FAM53C: variants seen among roughly 807,000 people sequenced by gnomAD.
FAM53C encodes family with sequence similarity 53 member C, also known as protein FAM53C.
In FAM53C, 10 loss-of-function variants were observed where a neutral mutation model predicts 34.7. The observed-to-expected ratio is 0.29, with a 90% confidence interval of 0.18 to 0.49. The LOEUF (loss-of-function observed/expected upper bound fraction) is 0.49. FAM53C is among the 20% of genes least tolerant of loss of function. FAM53C has a pLI of 0.99. For missense variants in FAM53C, 442 were observed against 515.3 expected (o/e 0.86, Z 1.38); for synonymous variants, 203 against 203.6 (o/e 1.00, Z 0.03).
In FAM53C at chr5:138,347,812, G is replaced by A. The variant is rs534189487; in HGVS notation, c.*853G>A. 1 of 152,208 alleles carries A rather than the reference G, an allele frequency of 6.6e-6. No homozygotes were observed. The highest frequency in any genetic ancestry group is 2.1e-4 in the South Asian group (1 of 4,816). The allele number at this position is 152,208 out of a possible 1,614,324, so 9.4% of individuals were successfully genotyped here. A position where few individuals can be genotyped will look rare whatever the true frequency, so the allele number is the denominator to read the frequency against. On this transcript the variant is annotated 3_prime_UTR_variant, in exon 5 of 5. Transcript: ENST00000239906. Reference sequence around the variant, plus strand: ...TGCCTCTTTTGCCCTCTTGAGTAGAGTTGCACACAGCACATGGGCAACTGA... The same window carrying A: ...TGCCTCTTTTGCCCTCTTGAGTAGAATTGCACACAGCACATGGGCAACTGA...
chr5:138,346,903 A>T lies in FAM53C; in HGVS notation c.1123A>T (p.Thr375Ser). 1.9e-6 allele frequency: 3 copies of T among 1,614,146 alleles called. No individual in the cohort carries two copies. The highest frequency in any genetic ancestry group is 2.5e-6 in the Non-Finnish European group (3 of 1,180,002). Reference protein sequence around the residue: ...RWGRQALSKRTLCQRDFGDLD... With the variant: ...RWGRQALSKRSLCQRDFGDLD... ...GGGTCGGCAGGCGCTGAGCAAGCGG[A>T]CACTGTGCCAGCGGGACTTTGGGGA... The change falls in exon 5 of 5, where the codon ACA (threonine) becomes TCA (serine). Residue 375 changes from threonine (T) to serine (S), a missense_variant. By Grantham distance (58) the Thr-to-Ser change is moderately conservative (BLOSUM62 1). Transcript: ENST00000239906.
At chr5:138,339,606 G>A (rs1451517681) in intron 1 of FAM53C, among the ~76,000 whole-genome samples, 1 of 151,772 alleles carries the variant, frequency 6.6e-6, no homozygotes, top group South Asian at 2.1e-4. Flanking sequence ...GTAAAATCCT[G>A]CACTTAGGTT....
rs1761262240 is a variant in FAM53C at position 138,349,363 on chromosome 5, G to C, written c.*2404G>C. On this transcript the variant is annotated 3_prime_UTR_variant, in exon 5 of 5. Coordinates refer to ENST00000239906, the MANE Select transcript of FAM53C (RefSeq NM_016605.3). ...TCACATATTGGGCTTACCCAGAGTGGAGCACACCTCCAGGGCATGTGGCTG... is the reference window on the plus strand; with the variant it reads ...TCACATATTGGGCTTACCCAGAGTGCAGCACACCTCCAGGGCATGTGGCTG... 1 of 152,680 alleles carries C rather than the reference G, an allele frequency of 6.5e-6. No individual in the cohort carries two copies. Among genetic ancestry groups the C allele is most frequent in the South Asian group, 2.1e-4 (1 of 4,830 alleles). The allele number at this position is 152,680 out of a possible 1,614,324, so 9.5% of individuals were successfully genotyped here.
rs1761030481 is a variant in FAM53C, at chr5:138,341,422, C to T, written c.78+9C>T. 1 of 1,612,104 alleles carries T rather than the reference C, an allele frequency of 6.2e-7. No individual in the cohort carries two copies. On this transcript the variant is annotated intron_variant, in intron 2 of 4. Coordinates refer to ENST00000239906, the MANE Select transcript of FAM53C (RefSeq NM_016605.3). Reference sequence around the variant, plus strand: ...GCTTCAGCATCAGTCTGGTAAAAGACCAGTCTTCCTGCTTCTCCACGACCC... The same window carrying T: ...GCTTCAGCATCAGTCTGGTAAAAGATCAGTCTTCCTGCTTCTCCACGACCC...
chr5:138,342,723 G>C (rs771270648), intron 3 of FAM53C: 1 of 142,936 alleles, frequency 7.0e-6, no homozygotes, highest in African/African-American at 2.6e-5. Flanking sequence ...GCAAAACTCT[G>C]TCTCAAAAAA....
At position 138,345,263 on chromosome 5, in the gene FAM53C, C is replaced by G; in HGVS notation, c.575C>G (p.Pro192Arg). 2 of 1,614,236 alleles carry G rather than the reference C, an allele frequency of 1.2e-6. No individual in the cohort carries two copies. Among genetic ancestry groups the G allele is most frequent in the Non-Finnish European group, 1.7e-6 (2 of 1,180,038 alleles). ...CCAGCTCACAGACCCTACAGCCCTC[C>G]TTTCTTCAGCCTGGCCCTGGCCCAA... is the stretch of plus-strand genomic sequence containing the variant. ...CAPAHRPYSPPFFSLALAQDS... is the reference protein window; with the variant it reads ...CAPAHRPYSPRFFSLALAQDS... The change falls in exon 4 of 5, where the codon CCT becomes CGT. Residue 192 changes from proline (P) to arginine (R), a missense_variant. Transcript: ENST00000239906. This position sits in a 1 kb window ranked among gnomAD's most constrained non-coding sequence, Gnocchi z 6.3.
intron 3 of FAM53C, among the ~76,000 whole-genome samples, chr5:138,343,201 C>G (rs1761079971): frequency 6.6e-6 from 1 of 151,732 alleles, no homozygotes. Context: ...TATTTCTAAT[C>G]TTGTTTGGAT....
chr5:138,341,853 C>T lies in FAM53C; in HGVS notation c.123C>T (p.Phe41=). 3 of 1,614,166 alleles carry T rather than the reference C, an allele frequency of 1.9e-6. No individual in the cohort carries two copies. Among genetic ancestry groups the T allele is most frequent in the Non-Finnish European group, 2.5e-6 (3 of 1,180,012 alleles). Reference sequence around the variant, plus strand: ...ACATCTCCAACTGTGGGAACTCTTTCCAGCTTGTGTCTGGTAAGGCATCGT... The same window carrying T: ...ACATCTCCAACTGTGGGAACTCTTTTCAGCTTGTGTCTGGTAAGGCATCGT... The part of the protein sequence containing the change: ...HADISNCGNS[F]QLVSEGASWR... Residue 41 remains phenylalanine (F), a synonymous_variant, in exon 3 of 5, where the codon TTC becomes TTT. Transcript: ENST00000239906.
intron 3 of FAM53C, among the ~76,000 whole-genome samples, chr5:138,344,617 C>G (rs1372625389): frequency 6.6e-6 from 1 of 152,176 alleles, no homozygotes; most frequent in Non-Finnish European, 1.5e-5. Flanking sequence ...TTTGAATCCT[C>G]CTTTGGTCTT....
chr5:138,345,645 G>A lies in FAM53C; in HGVS notation c.921+36G>A. On this transcript the variant is annotated intron_variant, in intron 4 of 4. Transcript: ENST00000239906. This position sits in a 1 kb window ranked among gnomAD's most constrained non-coding sequence, Gnocchi z 6.3. ...CAAGACTAGGGGAGCTTAGATGGGA[G>A]TGTGGGGACTGTTCTGTTTCCACTT... The A allele has an allele frequency of 1.3e-6, 2 of 1,581,682 alleles. No individual in the cohort carries two copies. The highest frequency in any genetic ancestry group is 1.7e-4 in the Middle Eastern group (1 of 5,894).
At chr5:138,339,113 G>A (rs1760937021) in intron 1 of FAM53C, among the ~76,000 whole-genome samples, 1 of 152,230 alleles carries the variant, frequency 6.6e-6, no homozygotes, top group Non-Finnish European at 1.5e-5. Flanking sequence ...GTGAAGGGCT[G>A]AGCCCCGTGC....
upstream of FAM53C, chr5:138,337,974 C>G: frequency 7.8e-7 from 1 of 1,289,656 alleles, no homozygotes; most frequent in Non-Finnish European, 1.0e-6. Context: ...GACATGGCCT[C>G]CCCCGCGGGT....
chr5:138,342,271 G>A (rs2126886738), intron 3 of FAM53C: 1 of 173,376 alleles, frequency 5.8e-6, no homozygotes, highest in East Asian at 1.6e-4. Context: ...AGAAGCAAAT[G>A]TATATATTTA....
chr5:138,341,445 C>T, intron 2 of FAM53C, 32 bp downstream of exon 2: 2 of 1,563,498 alleles, frequency 1.3e-6, no homozygotes, highest in Non-Finnish European at 1.8e-6. Context: ...TTCTCCACGA[C>T]CCCCTCCCCC....
chr5:138,346,392 A>G (rs899762049), intron 4 of FAM53C, among the ~76,000 whole-genome samples: 1 of 152,238 alleles, frequency 6.6e-6, no homozygotes, highest in Admixed American at 6.5e-5. Context: ...TTGGGAGGCC[A>G]AGGCAGGCGG....
upstream of FAM53C, chr5:138,338,168 G>C (rs1006952033): frequency 2.3e-6 from 3 of 1,289,766 alleles, no homozygotes; most frequent in Non-Finnish European, 2.0e-6. Flanking sequence ...GTGGCTTGGG[G>C]GGATTCTGCG....
Position 138,346,930 on chromosome 5 carries a change from C to T in FAM53C, c.1150C>T (p.Leu384=). 6.2e-7 allele frequency: 1 copy of T among 1,614,132 alleles called. No homozygotes were observed. The highest frequency in any genetic ancestry group is 8.5e-7 in the Non-Finnish European group (1 of 1,180,038). ...RTLCQRDFGD[L]DLNLIEEN Reference sequence around the variant, plus strand: ...ACTGTGCCAGCGGGACTTTGGGGACCTGGACTTGAATTTGATTGAGGAAAA... The same window carrying T: ...ACTGTGCCAGCGGGACTTTGGGGACTTGGACTTGAATTTGATTGAGGAAAA... The change falls in exon 5 of 5, where the codon CTG becomes TTG. Residue 384 remains leucine (L), a synonymous_variant. Transcript: ENST00000239906.
chr5:138,339,236 A>G (rs1248431463), intron 1 of FAM53C, among the ~76,000 whole-genome samples: 1 of 152,148 alleles, frequency 6.6e-6, no homozygotes, highest in Non-Finnish European at 1.5e-5. Context: ...GGCTTCTTAC[A>G]CTTTTTTCAA....
intron 1 of FAM53C, 53 bp from the exon 2 acceptor site, chr5:138,341,131 C>T (rs1761021086): frequency 1.5e-6 from 1 of 677,992 alleles, no homozygotes; most frequent in Non-Finnish European, 2.8e-6. Flanking sequence ...TTTTCCATCT[C>T]TGGACCAGGT....
Sources: allele counts gnomAD v4.1 joint callset (sites outside exome capture counted in the v4.1 genomes callset), GRCh38; gene constraint gnomAD v4.1.1; non-coding constraint Gnocchi (gnomAD v3.1); transcripts MANE v1.5; gene names NCBI Gene and HGNC (gene_info 2026-07-23, HGNC 2026-07-21).